DPP6: variants seen among roughly 807,000 people sequenced by gnomAD.
DPP6 encodes dipeptidyl peptidase like 6.
Under a neutral mutation model 122.6 loss-of-function variants are expected in DPP6, and 69 were observed. The ratio of observed to expected loss-of-function variants is 0.56; its 90% CI spans 0.46 to 0.69. DPP6 has a LOEUF of 0.69. DPP6 is among the 30% of genes least tolerant of loss of function. The probability of loss-of-function intolerance (pLI) is 0.00; values close to 1 mark genes in which losing one functional copy is unlikely to be tolerated. For missense variants in DPP6, 928 were observed against 1,116.9 expected, an observed-to-expected ratio of 0.83 and a Z score of 2.41; for synonymous variants, 418 against 433.1, an observed-to-expected ratio of 0.97 and a Z score of 0.43.
chr7:154,638,443 T>G (rs1452490472), intron 6 of DPP6, among the ~76,000 whole-genome samples: 1 of 152,178 alleles, frequency 6.6e-6, no homozygotes, highest in Non-Finnish European at 1.5e-5. Flanking sequence ...CGTGTTGTTC[T>G]TGTTTTATTG....
At chr7:154,889,132 G>T (rs889664179) in intron 23 of DPP6, 140 bp from the exon 24 acceptor site, 2 of 1,355,790 alleles carry the variant, frequency 1.5e-6, no homozygotes, top group Admixed American at 5.6e-5. Flanking sequence ...TTTCTTTGCA[G>T]ATATAAGGCA....
chr7:154,502,872 G>C (rs1825367926), intron 3 of DPP6, among the ~76,000 whole-genome samples: 1 of 152,168 alleles, frequency 6.6e-6, no homozygotes, highest in African/African-American at 2.4e-5. Flanking sequence ...AGCTGGGAAG[G>C]AAAATGACAA....
chr7:154,791,594 G>C (rs185520000), intron 10 of DPP6, among the ~76,000 whole-genome samples: 215 of 152,318 alleles, frequency 1.4e-3, no homozygotes, highest in Non-Finnish European at 1.8e-3. Flanking sequence ...TTGCCGGGGG[G>C]ACATGGCCAA....
chr7:154,819,240 C>A (rs984345358), intron 16 of DPP6, among the ~76,000 whole-genome samples: 4 of 152,138 alleles, frequency 2.6e-5, no homozygotes, highest in Admixed American at 1.3e-4. Flanking sequence ...TATGGTGAAA[C>A]CCTGTCTCTA....
the DPP6 span, among the ~76,000 whole-genome samples, chr7:153,768,346 A>C: frequency 1.3e-5 from 2 of 152,088 alleles, no homozygotes; most frequent in Non-Finnish European, 2.9e-5. Context: ...TAACCGTCTC[A>C]GTAATCTCAG....
rs537929638 is a variant in DPP6 at position 153,948,612 on chromosome 7, T to G, written c.51+60878T>G. On this transcript the variant is annotated intron_variant, in intron 1 of 25. Coordinates refer to the DPP6 transcript ENST00000404039. ...ATTTTCTTCTCTACCTTCCTCACTG[T>G]TTTTTTATTTTTATTTTTTTTAGGA... is the stretch of plus-strand genomic sequence containing the variant. Among the ~76,000 whole-genome samples the G allele has an allele frequency of 5.1e-3, 561 of 109,084 alleles. 4 individuals carry two copies. Among genetic ancestry groups the G allele is most frequent in the African/African-American group, 0.015 (526 of 34,360 alleles). The allele number at this position is 109,084 out of a possible 152,430, so 71.6% of individuals were successfully genotyped here.
intron 1 of DPP6, among the ~76,000 whole-genome samples, chr7:154,054,392 C>T (rs1279921802): frequency 6.6e-6 from 1 of 151,864 alleles, no homozygotes; most frequent in Non-Finnish European, 1.5e-5. Context: ...TGAGGTTTTG[C>T]TGTTGTTATT....
At chr7:154,714,862 G>A (rs996604881) in intron 7 of DPP6, among the ~76,000 whole-genome samples, 1 of 152,176 alleles carries the variant, frequency 6.6e-6, no homozygotes. Flanking sequence ...GAGGGGGCTT[G>A]CCCAAGGTAG....
intron 1 of DPP6, among the ~76,000 whole-genome samples, chr7:154,056,527 G>A (rs1247087541): frequency 6.6e-6 from 1 of 152,020 alleles, no homozygotes; most frequent in Non-Finnish European, 1.5e-5. Context: ...TACCATTAGA[G>A]CAGTAGTTTT....
rs536921547 is a variant in DPP6 at position 154,698,218 on chromosome 7, T to G, written c.762+28777T>G. On this transcript the variant is annotated intron_variant, in intron 7 of 25. Coordinates refer to ENST00000377770, the MANE Select transcript of DPP6 (RefSeq NM_130797.4). Reference sequence around the variant, plus strand: ...ATTAAATACTTATTGTTAACATAATTTTCATAGTTACATAGTATTTCATTG... The same window carrying G: ...ATTAAATACTTATTGTTAACATAATGTTCATAGTTACATAGTATTTCATTG... 3.5e-4 allele frequency among the ~76,000 whole-genome samples: 54 copies of G among 152,260 alleles called. No homozygotes were observed. In the Middle Eastern group the frequency reaches 0.017, roughly 48 times the overall value.
chr7:154,798,779 G>A (rs1356829955), intron 12 of DPP6, among the ~76,000 whole-genome samples: 1 of 152,214 alleles, frequency 6.6e-6, no homozygotes, highest in African/African-American at 2.4e-5. Context: ...AGTTTCTTAT[G>A]ACATTGTTTT....
chr7:154,571,498 T>G (rs1563872247), intron 5 of DPP6, among the ~76,000 whole-genome samples: 2 of 152,212 alleles, frequency 1.3e-5, no homozygotes, highest in Non-Finnish European at 2.9e-5. Context: ...TTAGATCATT[T>G]AAAAATATTA....
At chr7:154,322,500 G>GAAT (rs1563477201) in intron 1 of DPP6, among the ~76,000 whole-genome samples, 2 of 152,202 alleles carry the variant, frequency 1.3e-5, no homozygotes, top group African/African-American at 4.8e-5. Context: ...GCCATGGAGA[G>GAAT]ACTCGTGCTT....
intron 10 of DPP6, among the ~76,000 whole-genome samples, chr7:154,788,171 C>T (rs762910702): frequency 3.3e-5 from 5 of 152,144 alleles, no homozygotes; most frequent in African/African-American, 4.8e-5. Flanking sequence ...AGGCCGGGCA[C>T]AGTGGCTCAC....
At chr7:154,451,989 A>G (rs1820421114) in intron 2 of DPP6, among the ~76,000 whole-genome samples, 1 of 152,242 alleles carries the variant, frequency 6.6e-6, no homozygotes, top group Non-Finnish European at 1.5e-5. Context: ...GTGTTTTGGC[A>G]TAAAATTCCA....
chr7:154,315,694 G>A (rs1807373608), intron 1 of DPP6, among the ~76,000 whole-genome samples: 1 of 152,088 alleles, frequency 6.6e-6, no homozygotes, highest in Non-Finnish European at 1.5e-5. Flanking sequence ...GGGAGCAATG[G>A]GTAGGAGATC....
intron 1 of DPP6, among the ~76,000 whole-genome samples, chr7:154,085,684 T>G (rs866084887): frequency 3.9e-5 from 6 of 152,236 alleles, no homozygotes; most frequent in Middle Eastern, 3.4e-3. Context: ...GGCTTTCTAT[T>G]GCAACTTTAA....
At chr7:154,253,019 AGGG>A (rs1202513482) in intron 1 of DPP6, among the ~76,000 whole-genome samples, 1 of 152,252 alleles carries the variant, frequency 6.6e-6, no homozygotes, top group Admixed American at 6.5e-5. Context: ...CATGGAAAGA[AGGG>A]CTGCCTGTAA....
intron 1 of DPP6, among the ~76,000 whole-genome samples, chr7:154,002,773 CTGAG>C (rs1797744404): frequency 6.6e-6 from 1 of 152,102 alleles, no homozygotes; most frequent in South Asian, 2.1e-4. Flanking sequence ...TGCTTAGAGC[CTGAG>C]TGACTGCTTG....
Sources: gnomAD v4.1 joint callset for allele counts (sites outside exome capture counted in the v4.1 genomes callset) on GRCh38, gnomAD v4.1.1 for gene constraint, MANE v1.5 for transcripts, NCBI Gene and HGNC (gene_info 2026-07-23, HGNC 2026-07-21) for gene names.